The following MON2 variants were observed in gnomAD, a reference collection of about 807,000 sequenced individuals.
The protein encoded by MON2 is MON2 regulator of endosome-to-Golgi trafficking.
In MON2, 84 loss-of-function variants were observed where a neutral mutation model predicts 208.6. The observed-to-expected ratio is 0.40, with a 90% CI of 0.34 to 0.48. The LOEUF (loss-of-function observed/expected upper bound fraction) is 0.48. MON2 is among the 20% of genes least tolerant of loss of function. The probability of loss-of-function intolerance (pLI) is 0.59; values close to 1 mark genes in which losing one functional copy is unlikely to be tolerated. For missense variants in MON2, 1,611 were observed against 2,015.4 expected (o/e 0.80, Z 3.84); for synonymous variants, 660 against 694.0 (o/e 0.95, Z 0.77).
At chr12:62,573,299 A>G (rs550706349) in intron 30 of MON2, among the ~76,000 whole-genome samples, 83 of 152,270 alleles carry the variant, frequency 5.5e-4, no homozygotes, top group African/African-American at 1.7e-3. Context: ...TGTATCAAGC[A>G]CATAGGTTGA....
At chr12:62,588,285 T>C (rs893664635) in intron 34 of MON2, 129 bp downstream of exon 34, 1 of 620,448 alleles carries the variant, frequency 1.6e-6, no homozygotes, top group African/African-American at 1.9e-5. Flanking sequence ...CCAGTTCTCA[T>C]GACAACAAAG....
chr12:62,519,938 C>CT lies in MON2; in HGVS notation c.985-4575dup, dbSNP rs576415282. On this transcript the variant is annotated intron_variant, in intron 8 of 34. Coordinates refer to ENST00000393630, the MANE Select transcript of MON2 (RefSeq NM_015026.3). ...TCATGCCATTCTCCTGCCTCAGCCT[C>CT]TTGAGTAGCTGGGACTACTGGCGCC... Among the ~76,000 whole-genome samples the CT allele has an allele frequency of 1.6e-4, 24 of 152,388 alleles. No homozygotes were observed. In the South Asian group the frequency reaches 5.0e-3, roughly 32 times the overall value.
At chr12:62,516,381 T>C (rs1156664546) in intron 8 of MON2, among the ~76,000 whole-genome samples, 2 of 151,844 alleles carry the variant, frequency 1.3e-5, no homozygotes, top group South Asian at 2.1e-4. Context: ...CACAACAGGG[T>C]GATTAGTCAA....
intron 7 of MON2, among the ~76,000 whole-genome samples, chr12:62,507,340 G>A (rs1332715886): frequency 2.0e-5 from 3 of 147,530 alleles, no homozygotes; most frequent in Non-Finnish European, 4.5e-5. Context: ...GTGTGAGATA[G>A]GGTCTTGCTC....
At chr12:62,481,435 A>C (rs969705942) in intron 1 of MON2, among the ~76,000 whole-genome samples, 2 of 151,110 alleles carry the variant, frequency 1.3e-5, no homozygotes, top group Non-Finnish European at 1.5e-5. Context: ...CTGAGGCAGG[A>C]GAATGGCGTG....
At chr12:62,557,972 T>A (rs1452471318) in intron 25 of MON2, among the ~76,000 whole-genome samples, 43 of 91,466 alleles carry the variant, frequency 4.7e-4, no homozygotes, top group Non-Finnish European at 6.4e-4. Context: ...ATTTTTTTTT[T>A]TTTTTTTTTT....
Position 62,538,171 on chromosome 12 carries a change from A to C in MON2, c.2194A>C (p.Ser732Arg). Residue 732 changes from serine to arginine, a missense_variant, in exon 17 of 35, where the codon AGT (serine) becomes CGT (arginine). Physicochemically the swap from Ser to Arg is moderately radical, Grantham distance 110. Transcript: ENST00000393630. ...ACCTGGGAGAGCTGTAGAAGGACCC[A>C]GTACAGTAAGCTCTAGTCTTTCTTA... ...LKPGRAVEGP[S>R]TVLTTAVMTD... 1 of 1,613,656 alleles carries C rather than the reference A, an allele frequency of 6.2e-7. No homozygotes were observed. The highest frequency in any genetic ancestry group is 8.5e-7 in the Non-Finnish European group (1 of 1,179,638).
At chr12:62,479,140 G>T (rs990331893) in intron 1 of MON2, among the ~76,000 whole-genome samples, 3 of 152,166 alleles carry the variant, frequency 2.0e-5, no homozygotes, top group Non-Finnish European at 4.4e-5. Context: ...ATAGGAGACA[G>T]ATCAGGAACA....
In MON2 at chr12:62,485,434, TC is replaced by T. The variant is rs535620703; in HGVS notation, c.175+1202del. Among the ~76,000 whole-genome samples, 312 of 152,334 alleles carry T rather than the reference TC, an allele frequency of 2.0e-3. 2 individuals are homozygous for T. Among genetic ancestry groups the T allele is most frequent in the African/African-American group, 7.0e-3 (292 of 41,582 alleles). ...AAGATTTTTGGGGTCAGATTAAGGA[TC>T]GGGGGCAAGAGTGGATTTCACTTAG... On this transcript the variant is annotated intron_variant, in intron 2 of 34. Transcript: ENST00000393630.
At chr12:62,475,325 C>A (rs1219669505) in intron 1 of MON2, among the ~76,000 whole-genome samples, 2 of 152,054 alleles carry the variant, frequency 1.3e-5, no homozygotes, top group Non-Finnish European at 2.9e-5. Context: ...CAACCCCCAC[C>A]TCCCAGGTTC....
intron 1 of MON2, among the ~76,000 whole-genome samples, chr12:62,479,444 C>A (rs1392126145): frequency 5.3e-5 from 6 of 112,708 alleles, no homozygotes; most frequent in South Asian, 6.3e-4. Context: ...CCCCCCCCCC[C>A]CAAATATTTT....
chr12:62,521,841 A>G (rs2072058968), intron 8 of MON2, among the ~76,000 whole-genome samples: 1 of 152,202 alleles, frequency 6.6e-6, no homozygotes, highest in Non-Finnish European at 1.5e-5. Context: ...ATCACTTAGG[A>G]TGTGTACCCA....
At chr12:62,472,009 GA>G (rs1168074612) in intron 1 of MON2, among the ~76,000 whole-genome samples, 3 of 152,316 alleles carry the variant, frequency 2.0e-5, no homozygotes, top group Admixed American at 2.0e-4. Context: ...AGTGATAAAA[GA>G]AGTAGGGGGT....
chr12:62,526,779 A>ATAGT (rs1209282692), intron 11 of MON2, among the ~76,000 whole-genome samples: 1 of 152,166 alleles, frequency 6.6e-6, no homozygotes, highest in Non-Finnish European at 1.5e-5. Context: ...TAACATTGCT[A>ATAGT]TAGTTACTAT....
chr12:62,527,809 A>G (rs1480199832), intron 11 of MON2, among the ~76,000 whole-genome samples: 1 of 151,950 alleles, frequency 6.6e-6, no homozygotes, highest in African/African-American at 2.4e-5. Flanking sequence ...GAGCAGACAC[A>G]TAAAGGGAGG....
intron 2 of MON2, among the ~76,000 whole-genome samples, chr12:62,484,559 A>G (rs1275589337): frequency 1.3e-5 from 2 of 152,212 alleles, no homozygotes; most frequent in East Asian, 3.8e-4. Flanking sequence ...AGCATTCAGT[A>G]ATATTTGTTC....
intron 2 of MON2, among the ~76,000 whole-genome samples, chr12:62,485,802 C>T (rs1478357409): frequency 1.3e-5 from 2 of 152,138 alleles, no homozygotes; most frequent in Non-Finnish European, 2.9e-5. Context: ...CTCCTGGGTT[C>T]AAGCGATTCT....
In MON2 at chr12:62,467,015, A is replaced by G; in HGVS notation, c.-193A>G. 2.0e-6 allele frequency: 1 copy of G among 505,844 alleles called. No homozygotes were observed. Among genetic ancestry groups the G allele is most frequent in the Non-Finnish European group, 3.5e-6 (1 of 284,802 alleles). 31.3% of individuals were successfully genotyped at this position (505,844 alleles called of 1,614,324 possible). ...GGTGCGACTGCGGGGGGCGCCTCCG[A>G]GAAAAGCCAGAGGTGTTGCGGGGAA... On this transcript the variant is annotated 5_prime_UTR_variant, in exon 1 of 35. Transcript: ENST00000393630.
intron 24 of MON2, among the ~76,000 whole-genome samples, 184 bp from the exon 25 acceptor site, chr12:62,555,807 TAAA>T (rs36090980): frequency 2.2e-4 from 26 of 120,266 alleles, no homozygotes; most frequent in Admixed American, 1.7e-4. Flanking sequence ...AGACTCCATC[TAAA>T]AAAAAAAAAA....
Sources: gnomAD v4.1 joint callset for allele counts (sites outside exome capture counted in the v4.1 genomes callset) on GRCh38, gnomAD v4.1.1 for gene constraint, MANE v1.5 for transcripts, NCBI Gene and HGNC (gene_info 2026-07-23, HGNC 2026-07-21) for gene names.